CNOT4: variants seen among roughly 807,000 people sequenced by gnomAD.
CNOT4 encodes the protein CCR4-NOT transcription complex subunit 4.
A neutral mutation model predicts 73.8 loss-of-function variants in CNOT4; 8 were observed. The ratio of observed to expected loss-of-function variants is 0.11; its 90% confidence interval spans 0.06 to 0.20. CNOT4 has a LOEUF of 0.20. Among genes scored for constraint, CNOT4 ranks in the 10% least tolerant of loss-of-function variants. CNOT4 has a pLI of 1.00. For synonymous variants in CNOT4, 293 were observed against 321.1 expected (o/e 0.91, Z 0.94); for missense variants, 564 against 883.4 (o/e 0.64, Z 4.58).
intron 7 of CNOT4, among the ~76,000 whole-genome samples, chr7:135,403,600 T>A (rs911830207): frequency 6.6e-6 from 1 of 151,874 alleles, no homozygotes; most frequent in Admixed American, 6.6e-5. Flanking sequence ...TAGAATAAAT[T>A]AAAAAATAAA....
Position 135,475,401 on chromosome 7 carries a change from TA to T in CNOT4, c.-93+34487del, listed in dbSNP as rs1352459486. ...CTAAAAATTGATGATTACAGAATTT[TA>T]GTGTGCAATATTTGACGTAGGAAAG... is the stretch of plus-strand genomic sequence containing the variant. On this transcript the variant is annotated intron_variant, in intron 1 of 11. Coordinates refer to ENST00000541284, the MANE Select transcript of CNOT4 (RefSeq NM_001190850.2). 2.0e-5 allele frequency among the ~76,000 whole-genome samples: 3 copies of T among 152,310 alleles called. No individual in the cohort carries two copies. In the East Asian group the frequency reaches 5.8e-4, roughly 29 times the overall value.
chr7:135,397,319 T>A (rs1307039786), intron 8 of CNOT4, among the ~76,000 whole-genome samples: 2 of 152,070 alleles, frequency 1.3e-5, no homozygotes, highest in African/African-American at 2.4e-5. Context: ...AAACATTAAA[T>A]TTTTCAGATA....
intron 1 of CNOT4, among the ~76,000 whole-genome samples, chr7:135,503,706 G>T (rs1004219064): frequency 6.6e-6 from 1 of 152,100 alleles, no homozygotes; most frequent in South Asian, 2.1e-4. Context: ...AGAAAAATGT[G>T]TGCAGAAAGA....
chr7:135,444,670 G>C, intron 1 of CNOT4: 1 of 1,169,556 alleles, frequency 8.6e-7, no homozygotes, highest in East Asian at 2.3e-5. Flanking sequence ...AAGGTTTTCA[G>C]TGTTTTGCTC....
At position 135,378,934 on chromosome 7, in the gene CNOT4, G is replaced by A. The variant is rs969503105; in HGVS notation, c.1628-14868C>T. 1.6e-4 allele frequency among the ~76,000 whole-genome samples: 24 copies of A among 148,840 alleles called. 1 individual carries two copies. Among genetic ancestry groups the A allele is most frequent in the African/African-American group, 5.0e-4 (20 of 40,382 alleles). ...AGGGAGGTCGAGGTTGCAGTAAGCCGTGTTTGCGCCACTGCACTCCAATCT... is the reference window on the plus strand; with the variant it reads ...AGGGAGGTCGAGGTTGCAGTAAGCCATGTTTGCGCCACTGCACTCCAATCT... On this transcript the variant is annotated intron_variant, in intron 10 of 11. Transcript: ENST00000541284.
chr7:135,417,251 T>C (rs1797922247), intron 3 of CNOT4, among the ~76,000 whole-genome samples: 1 of 152,182 alleles, frequency 6.6e-6, no homozygotes, highest in Non-Finnish European at 1.5e-5. Context: ...GAGGCAGGGC[T>C]GAAGAGTTTG....
At chr7:135,468,599 T>G (rs1042874879) in intron 1 of CNOT4, among the ~76,000 whole-genome samples, 1 of 150,642 alleles carries the variant, frequency 6.6e-6, no homozygotes, top group Admixed American at 6.7e-5. Context: ...GAGAATCGCT[T>G]GAACTCAGGA....
intron 3 of CNOT4, among the ~76,000 whole-genome samples, chr7:135,421,254 G>A (rs1267078546): frequency 6.6e-6 from 1 of 152,082 alleles, no homozygotes; most frequent in Non-Finnish European, 1.5e-5. Context: ...AACACGCTCA[G>A]CCAATTCCCA....
At chr7:135,392,620 T>C (rs1169898162) in intron 10 of CNOT4, among the ~76,000 whole-genome samples, 2 of 152,136 alleles carry the variant, frequency 1.3e-5, no homozygotes, top group African/African-American at 2.4e-5. Flanking sequence ...CTGAAAAATG[T>C]CACTCTGGTT....
At chr7:135,494,689 TATG>T (rs1186402778) in intron 1 of CNOT4, among the ~76,000 whole-genome samples, 3 of 152,070 alleles carry the variant, frequency 2.0e-5, no homozygotes, top group Admixed American at 1.3e-4. Context: ...ATATTAATTA[TATG>T]ATATGTCAGA....
At chr7:135,484,889 C>T (rs1435269492) in intron 1 of CNOT4, among the ~76,000 whole-genome samples, 3 of 151,804 alleles carry the variant, frequency 2.0e-5, no homozygotes, top group Non-Finnish European at 4.4e-5. Context: ...ATAAATCTAA[C>T]AAAATACATG....
intron 10 of CNOT4, chr7:135,387,608 A>G: frequency 1.0e-6 from 1 of 980,322 alleles, no homozygotes; most frequent in Non-Finnish European, 1.2e-6. Flanking sequence ...TAAAATCTCA[A>G]GAGGAGGTGT....
intron 1 of CNOT4, among the ~76,000 whole-genome samples, chr7:135,491,456 G>A (rs1276591359): frequency 6.6e-6 from 1 of 152,170 alleles, no homozygotes; most frequent in Non-Finnish European, 1.5e-5. Context: ...AGTTAAACAA[G>A]TATATCAAAG....
intron 3 of CNOT4, among the ~76,000 whole-genome samples, chr7:135,416,534 A>C (rs1186709201): frequency 1.3e-5 from 2 of 152,178 alleles, no homozygotes; most frequent in Non-Finnish European, 2.9e-5. Flanking sequence ...ATCCGTAGCA[A>C]AGTCTCAGGG....
chr7:135,446,844 A>C (rs886139096), intron 1 of CNOT4, among the ~76,000 whole-genome samples: 1 of 152,076 alleles, frequency 6.6e-6, no homozygotes, highest in South Asian at 2.1e-4. Context: ...AGATTAAAAA[A>C]AGAAAAAGAA....
At chr7:135,466,537 T>C (rs974389646) in intron 1 of CNOT4, among the ~76,000 whole-genome samples, 18 of 152,074 alleles carry the variant, frequency 1.2e-4, no homozygotes, top group African/African-American at 4.1e-4. Context: ...AGGTTAATTA[T>C]TGAAGAAAAT....
At chr7:135,392,967 A>G (rs1796479047) in intron 10 of CNOT4, among the ~76,000 whole-genome samples, 1 of 152,210 alleles carries the variant, frequency 6.6e-6, no homozygotes, top group Non-Finnish European at 1.5e-5. Flanking sequence ...AACAAGGGAT[A>G]ACAATAAATT....
At chr7:135,400,765 T>C (rs573929078) in intron 7 of CNOT4, among the ~76,000 whole-genome samples, 3 of 152,316 alleles carry the variant, frequency 2.0e-5, no homozygotes, top group East Asian at 1.9e-4. Context: ...GATTGTGTTA[T>C]CTATCCGATA....
At position 135,363,824 on chromosome 7, in the gene CNOT4, C is replaced by A; in HGVS notation, c.1840+30G>T. 6.5e-7 allele frequency: 1 copy of A among 1,530,256 alleles called. No individual in the cohort carries two copies. The highest frequency in any genetic ancestry group is 1.2e-5 in the South Asian group (1 of 86,160). 94.8% of individuals were successfully genotyped at this position (1,530,256 alleles called of 1,614,324 possible). ...TGCTAAAAACCAAACTGTTGGCAGT[C>A]AGTGTAGCTGAAGGGAGTGAGAAAG... On this transcript the variant is annotated intron_variant, in intron 11 of 11. Transcript: ENST00000541284. The surrounding 1 kb of genome is among the most constrained non-coding windows in gnomAD (Gnocchi z 4.3).
Sources: allele counts gnomAD v4.1 joint callset (sites outside exome capture counted in the v4.1 genomes callset), GRCh38; gene constraint gnomAD v4.1.1; non-coding constraint Gnocchi (gnomAD v3.1); transcripts MANE v1.5; gene names NCBI Gene and HGNC (gene_info 2026-07-23, HGNC 2026-07-21).